The following NELL1 variants were observed in gnomAD, a reference collection of about 807,000 sequenced individuals.
NELL1 encodes the protein neural EGFL like 1, also known as protein kinase C-binding protein NELL1.
NELL1 carries 76 observed loss-of-function variants against 107.4 expected under a neutral mutation model. That is an observed-to-expected ratio of 0.71 (90% CI 0.59 to 0.86). The LOEUF is 0.86. Among genes scored for constraint, NELL1 ranks in the 40% least tolerant of loss-of-function variants. The probability of loss-of-function intolerance (pLI) is 0.00; values close to 1 mark genes in which losing one functional copy is unlikely to be tolerated. For synonymous variants in NELL1, 353 were observed against 341.2 expected (o/e 1.03, Z -0.38); for missense variants, 1,024 against 1,005.5 (o/e 1.02, Z -0.25).
chr11:20,807,652 C>T (rs1286308179), intron 3 of NELL1, among the ~76,000 whole-genome samples: 1 of 152,188 alleles, frequency 6.6e-6, no homozygotes, highest in Non-Finnish European at 1.5e-5. Flanking sequence ...TCCCCTGGGC[C>T]CTGGGTGGGT....
At chr11:20,800,228 G>T (rs1313352208) in intron 3 of NELL1, among the ~76,000 whole-genome samples, 1 of 152,176 alleles carries the variant, frequency 6.6e-6, no homozygotes, top group African/African-American at 2.4e-5. Context: ...TAGTGGGATT[G>T]CTGGTTCAAA....
chr11:20,797,251 C>A (rs982334685), intron 3 of NELL1, among the ~76,000 whole-genome samples: 2 of 151,950 alleles, frequency 1.3e-5, no homozygotes, highest in African/African-American at 4.8e-5. Flanking sequence ...ATGGAGGGGG[C>A]AAAATTGGAG....
chr11:21,330,568 T>A (rs1260512996), intron 14 of NELL1, among the ~76,000 whole-genome samples: 1 of 152,156 alleles, frequency 6.6e-6, no homozygotes, highest in Non-Finnish European at 1.5e-5. Flanking sequence ...TGGCCTCCAC[T>A]GTTTCTGGTG....
At chr11:20,742,140 A>G (rs1478483362) in intron 2 of NELL1, among the ~76,000 whole-genome samples, 1 of 152,188 alleles carries the variant, frequency 6.6e-6, no homozygotes, top group African/African-American at 2.4e-5. Flanking sequence ...TGCAGTAAGA[A>G]GGGCTTCTTT....
At chr11:21,409,910 ATAAT>A (rs1852333891) in intron 15 of NELL1, among the ~76,000 whole-genome samples, 1 of 152,064 alleles carries the variant, frequency 6.6e-6, no homozygotes, top group Non-Finnish European at 1.5e-5. Context: ...AATGCAAGAA[ATAAT>A]TAATGAAAGG....
intron 16 of NELL1, among the ~76,000 whole-genome samples, chr11:21,535,820 A>G (rs750117965): frequency 2.0e-5 from 3 of 152,184 alleles, no homozygotes; most frequent in Non-Finnish European, 2.9e-5. Flanking sequence ...CTGTGTATTC[A>G]GCATTCTACC....
chr11:21,535,755 T>C (rs1398766422), intron 16 of NELL1, among the ~76,000 whole-genome samples: 1 of 152,210 alleles, frequency 6.6e-6, no homozygotes. Flanking sequence ...GTTGTGATAA[T>C]TGAGTTAATA....
At position 21,229,451 on chromosome 11, in the gene NELL1, A is replaced by T. The variant is rs372001585; in HGVS notation, c.1546A>T (p.Arg516Ter). ...CTACGTGGGGAACGGGACCATCTGC[A>T]GAGGTAGGCTTGCCGCCTTAGTGTT... ...PGYVGNGTIC[R>*]AFCEEGCRYG... The change falls in exon 14 of 20, where the codon AGA (arginine) becomes TGA (stop). Residue 516 changes from arginine to a stop codon, truncating the protein, a stop_gained. Coordinates refer to ENST00000357134, the MANE Select transcript of NELL1 (RefSeq NM_006157.5). LOFTEE classifies it high-confidence loss of function. The T allele has an allele frequency of 6.2e-7, 1 of 1,613,640 alleles. No individual in the cohort carries two copies.
intron 13 of NELL1, among the ~76,000 whole-genome samples, chr11:21,160,386 A>G (rs1057365930): frequency 6.6e-6 from 1 of 152,166 alleles, no homozygotes; most frequent in African/African-American, 2.4e-5. Context: ...ACCATCCGAC[A>G]TGGTGTTCTC....
intron 5 of NELL1, among the ~76,000 whole-genome samples, chr11:20,888,319 ATG>A (rs1849550973): frequency 6.6e-6 from 1 of 151,958 alleles, no homozygotes; most frequent in Non-Finnish European, 1.5e-5. Context: ...TCTGTTTAAT[ATG>A]TGTGAATATG....
chr11:20,690,241 A>C (rs1052002593), intron 2 of NELL1, among the ~76,000 whole-genome samples: 60 of 151,460 alleles, frequency 4.0e-4, no homozygotes, highest in African/African-American at 1.4e-3. Context: ...TTGCCTGTTC[A>C]CTCTGATGGT....
At chr11:20,838,345 A>T (rs112674503) in intron 3 of NELL1, among the ~76,000 whole-genome samples, 4,552 of 149,260 alleles carry the variant, frequency 0.03, 87 homozygotes, top group Non-Finnish European at 0.048. Context: ...GTAGCATCCT[A>T]GATAAGAGTG....
chr11:20,726,798 C>T (rs1023159860), intron 2 of NELL1, among the ~76,000 whole-genome samples: 3 of 151,370 alleles, frequency 2.0e-5, no homozygotes, highest in Non-Finnish European at 2.9e-5. Flanking sequence ...GCCCTGTGTC[C>T]AAGTGTTCTC....
intron 15 of NELL1, among the ~76,000 whole-genome samples, chr11:21,392,015 C>T (rs1468898491): frequency 6.6e-6 from 1 of 151,696 alleles, no homozygotes; most frequent in Non-Finnish European, 1.5e-5. Flanking sequence ...ATTTCTGGAG[C>T]AATTAAACTT....
intron 2 of NELL1, among the ~76,000 whole-genome samples, chr11:20,755,547 T>TTA (rs1368273376): frequency 1.5e-3 from 57 of 38,036 alleles, no homozygotes; most frequent in African/African-American, 4.4e-3. Context: ...TTTGTTTTTT[T>TTA]TTGTTTTTGT....
At chr11:21,055,352 G>A (rs1853587708) in intron 12 of NELL1, among the ~76,000 whole-genome samples, 1 of 151,662 alleles carries the variant, frequency 6.6e-6, no homozygotes, top group Admixed American at 6.6e-5. Flanking sequence ...CCTAATAGTT[G>A]TATCAAATTT....
chr11:21,354,960 T>G (rs1165300571), intron 14 of NELL1, among the ~76,000 whole-genome samples: 1 of 152,206 alleles, frequency 6.6e-6, no homozygotes, highest in African/African-American at 2.4e-5. Flanking sequence ...TCTCTTCAAC[T>G]GCTTTTCACA....
intron 12 of NELL1, among the ~76,000 whole-genome samples, chr11:20,984,470 A>G (rs1170499681): frequency 6.6e-6 from 1 of 152,192 alleles, no homozygotes; most frequent in African/African-American, 2.4e-5. Context: ...ATCAAATGAG[A>G]TAATGTAGTT....
intron 13 of NELL1, among the ~76,000 whole-genome samples, chr11:21,139,326 T>A (rs1855813595): frequency 6.6e-6 from 1 of 152,194 alleles, no homozygotes; most frequent in South Asian, 2.1e-4. Flanking sequence ...CACTTGCTTT[T>A]CCCGGTGCCT....
Sources: allele counts gnomAD v4.1 joint callset (sites outside exome capture counted in the v4.1 genomes callset), GRCh38; gene constraint gnomAD v4.1.1; transcripts MANE v1.5; gene names NCBI Gene and HGNC (gene_info 2026-07-23, HGNC 2026-07-21).